The following RNLS variants were observed in gnomAD, a reference collection of about 807,000 sequenced individuals.
The protein encoded by RNLS is renalase.
In RNLS, 39 loss-of-function variants were observed where a neutral mutation model predicts 39.8. That is an observed-to-expected ratio of 0.98 (90% CI 0.76 to 1.28). The LOEUF (loss-of-function observed/expected upper bound fraction) is 1.28. RNLS is among the 50% of genes most tolerant of loss of function. The pLI is 0.00. For missense variants in RNLS, 410 were observed against 413.3 expected (o/e 0.99, Z 0.07); for synonymous variants, 147 against 150.7 (o/e 0.98, Z 0.18).
intron 6 of RNLS, among the ~76,000 whole-genome samples, chr10:88,301,737 C>T (rs1468586300): frequency 6.6e-6 from 1 of 152,168 alleles, no homozygotes; most frequent in Non-Finnish European, 1.5e-5. Flanking sequence ...ATTCAACAGT[C>T]CCTTATGGTA....
the RNLS span, among the ~76,000 whole-genome samples, chr10:88,243,489 T>G: frequency 4.6e-5 from 7 of 152,226 alleles, no homozygotes; most frequent in African/African-American, 1.4e-4. Context: ...TGTGAACCCT[T>G]TTTGCATTTC....
At chr10:88,444,937 G>A (rs1841949224) in intron 4 of RNLS, among the ~76,000 whole-genome samples, 1 of 152,130 alleles carries the variant, frequency 6.6e-6, no homozygotes, top group Non-Finnish European at 1.5e-5. Context: ...TAGCAAGGCA[G>A]GCCAACATTC....
At chr10:88,252,615 C>T in the RNLS span, among the ~76,000 whole-genome samples, 9 of 152,282 alleles carry the variant, frequency 5.9e-5, no homozygotes, top group African/African-American at 1.7e-4. Flanking sequence ...CTGTGTGACT[C>T]CTGGAGATCC....
chr10:88,329,084 C>CTT (rs776645419), intron 5 of RNLS, among the ~76,000 whole-genome samples: 1 of 142,104 alleles, frequency 7.0e-6, no homozygotes. Flanking sequence ...TTTTGTTTTT[C>CTT]TTTTTTTTTT....
chr10:88,565,836 G>A lies in RNLS; in HGVS notation c.526+7067C>T, dbSNP rs1247949277. Among the ~76,000 whole-genome samples, 21 of 138,244 alleles carry A rather than the reference G, an allele frequency of 1.5e-4. 1 individual carries two copies. The East Asian group carries it at 2.5e-3, about 16-fold the overall frequency. 90.7% of individuals were successfully genotyped at this position (138,244 alleles called of 152,430 possible). A position where few individuals can be genotyped will look rare whatever the true frequency, so the allele number is the denominator to read the frequency against. ...GTGATCTTGGCTCACTGCAACCTCCGCCTCCCAGGTTCAAGCGATTCTCCT... is the reference window on the plus strand; with the variant it reads ...GTGATCTTGGCTCACTGCAACCTCCACCTCCCAGGTTCAAGCGATTCTCCT... On this transcript the variant is annotated intron_variant, in intron 4 of 6. Coordinates refer to ENST00000331772, the MANE Select transcript of RNLS (RefSeq NM_001031709.3).
chr10:88,333,984 T>C (rs1289792934), intron 5 of RNLS, among the ~76,000 whole-genome samples: 1 of 152,226 alleles, frequency 6.6e-6, no homozygotes, highest in Non-Finnish European at 1.5e-5. Flanking sequence ...AATAAATTTA[T>C]ACTGCTTAGA....
At chr10:88,385,843 G>GACTT (rs1851831128) in intron 4 of RNLS, among the ~76,000 whole-genome samples, 1 of 152,210 alleles carries the variant, frequency 6.6e-6, no homozygotes, top group Non-Finnish European at 1.5e-5. Context: ...AGAAAAAAAG[G>GACTT]ACTTATCAAT....
intron 5 of RNLS, among the ~76,000 whole-genome samples, chr10:88,315,178 T>TA (rs1491367170): frequency 2.0e-5 from 3 of 152,260 alleles, no homozygotes; most frequent in Non-Finnish European, 2.9e-5. Flanking sequence ...TATTCTTCTC[T>TA]ATGTTTTAAT....
At chr10:88,393,314 T>C (rs1211443756) in intron 4 of RNLS, among the ~76,000 whole-genome samples, 7 of 151,956 alleles carry the variant, frequency 4.6e-5, no homozygotes, top group Non-Finnish European at 1.0e-4. Flanking sequence ...GCCCAAAATC[T>C]CCTCAAGCTG....
intron 4 of RNLS, among the ~76,000 whole-genome samples, chr10:88,532,435 T>C (rs548303634): frequency 1.3e-5 from 2 of 152,140 alleles, no homozygotes; most frequent in South Asian, 2.1e-4. Context: ...TAATCTAGTT[T>C]TATGATATTG....
chr10:88,520,018 C>A (rs747345144), intron 4 of RNLS, among the ~76,000 whole-genome samples: 2 of 151,906 alleles, frequency 1.3e-5, no homozygotes, highest in African/African-American at 4.8e-5. Flanking sequence ...CCTAAAGTTG[C>A]TCTGGGTTCT....
At chr10:88,404,292 C>A (rs535441846) in intron 4 of RNLS, among the ~76,000 whole-genome samples, 1 of 152,094 alleles carries the variant, frequency 6.6e-6, no homozygotes, top group Admixed American at 6.6e-5. Flanking sequence ...TGGTTTCAAT[C>A]CTGCCTCTGT....
At chr10:88,235,105 CA>C in the RNLS span, among the ~76,000 whole-genome samples, 2 of 151,426 alleles carry the variant, frequency 1.3e-5, no homozygotes, top group Admixed American at 6.6e-5. Context: ...ACTAAAAATA[CA>C]AAAAAATTAG....
In RNLS at chr10:88,460,441, T is replaced by C. The variant is rs147458039; in HGVS notation, c.527-97716A>G. ...TAAATGACATTGCCTCCAAGAGGCC[T>C]TCCCAGATTATCCACCTGAGGTCTC... On this transcript the variant is annotated intron_variant, in intron 4 of 6. Coordinates refer to ENST00000331772, the MANE Select transcript of RNLS (RefSeq NM_001031709.3). Among the ~76,000 whole-genome samples the C allele has an allele frequency of 3.9e-5, 6 of 152,252 alleles. No individual in the cohort carries two copies. In the East Asian group the frequency reaches 9.6e-4, roughly 24 times the overall value.
intron 3 of RNLS, among the ~76,000 whole-genome samples, chr10:88,578,543 A>T (rs992318516): frequency 6.6e-6 from 1 of 152,096 alleles, no homozygotes; most frequent in African/African-American, 2.4e-5. Context: ...GGTAGAGGAG[A>T]ATCTCGAAGT....
chr10:88,565,572 A>G (rs1407146700), intron 4 of RNLS, among the ~76,000 whole-genome samples: 3 of 152,108 alleles, frequency 2.0e-5, no homozygotes, highest in Non-Finnish European at 4.4e-5. Flanking sequence ...TCAGCTCAAT[A>G]TAACATCCAA....
chr10:88,449,685 A>C (rs890106597), intron 4 of RNLS, among the ~76,000 whole-genome samples: 2 of 152,210 alleles, frequency 1.3e-5, no homozygotes, highest in East Asian at 1.9e-4. Flanking sequence ...GCCCTAAGGA[A>C]TCTTAAATTT....
chr10:88,469,280 C>G (rs1240130995), intron 4 of RNLS, among the ~76,000 whole-genome samples: 5 of 152,154 alleles, frequency 3.3e-5, no homozygotes, highest in African/African-American at 1.2e-4. Context: ...AGCCTGGGAT[C>G]CAGGCTGATT....
intron 6 of RNLS, among the ~76,000 whole-genome samples, chr10:88,308,208 T>C (rs1362781135): frequency 1.3e-5 from 2 of 152,130 alleles, no homozygotes; most frequent in Non-Finnish European, 2.9e-5. Flanking sequence ...ATTCTGGACA[T>C]AGGAAGAGGC....
Sources: gnomAD v4.1 joint callset for allele counts (sites outside exome capture counted in the v4.1 genomes callset) on GRCh38, gnomAD v4.1.1 for gene constraint, MANE v1.5 for transcripts, NCBI Gene and HGNC (gene_info 2026-07-23, HGNC 2026-07-21) for gene names.